The following NRXN3 variants were observed in gnomAD, a reference collection of about 807,000 sequenced individuals.
The protein encoded by NRXN3 is neurexin III.
In NRXN3, 32 loss-of-function variants were observed where a neutral mutation model predicts 137.6. The ratio of observed to expected loss-of-function variants is 0.23; its 90% CI spans 0.18 to 0.31. The LOEUF (loss-of-function observed/expected upper bound fraction) is 0.31. Among genes scored for constraint, NRXN3 ranks in the 10% least tolerant of loss-of-function variants. NRXN3 has a pLI of 1.00. For missense variants in NRXN3, 1,574 were observed against 2,062.5 expected (o/e 0.76, Z 4.59); for synonymous variants, 798 against 784.5 (o/e 1.02, Z -0.29).
chr14:78,447,681 T>A (rs2094452576), intron 4 of NRXN3, among the ~76,000 whole-genome samples: 1 of 152,234 alleles, frequency 6.6e-6, no homozygotes, highest in South Asian at 2.1e-4. Context: ...TTCCTTGTCC[T>A]TCACAGAATA....
chr14:79,410,018 A>T (rs34094616), intron 15 of NRXN3, among the ~76,000 whole-genome samples: 50,222 of 151,640 alleles, frequency 0.33, 8,820 homozygotes, highest in Middle Eastern at 0.54. Flanking sequence ...AAATGGCCAT[A>T]TTTATACTTT....
At chr14:78,961,524 TC>T (rs1290735175) in intron 11 of NRXN3, among the ~76,000 whole-genome samples, 1 of 152,138 alleles carries the variant, frequency 6.6e-6, no homozygotes, top group African/African-American at 2.4e-5. Flanking sequence ...CATGATTCAA[TC>T]ATTTCGGAGG....
chr14:78,613,103 G>A (rs914571997), intron 4 of NRXN3, among the ~76,000 whole-genome samples: 26 of 152,138 alleles, frequency 1.7e-4, no homozygotes, highest in African/African-American at 5.8e-4. Context: ...GGCCTGCCTT[G>A]CCAATCAGCC....
intron 20 of NRXN3, among the ~76,000 whole-genome samples, chr14:79,847,535 A>G (rs2099381908): frequency 6.6e-6 from 1 of 152,194 alleles, no homozygotes; most frequent in Non-Finnish European, 1.5e-5. Flanking sequence ...TCTTATTCAA[A>G]AAGATCAAAG....
At chr14:79,651,072 G>A (rs935854494) in intron 16 of NRXN3, among the ~76,000 whole-genome samples, 1 of 152,208 alleles carries the variant, frequency 6.6e-6, no homozygotes, top group South Asian at 2.1e-4. Flanking sequence ...CAATTAACTG[G>A]TAATAGGATG....
At chr14:79,855,692 G>A (rs551205667) in intron 20 of NRXN3, among the ~76,000 whole-genome samples, 1 of 152,188 alleles carries the variant, frequency 6.6e-6, no homozygotes, top group Admixed American at 6.5e-5. Context: ...AGGGTTAGAA[G>A]AAAGTGATTA....
At chr14:78,644,987 T>C in intron 4 of NRXN3, 133 bp from the exon 5 acceptor site, 8 of 719,762 alleles carry the variant, frequency 1.1e-5, no homozygotes, top group Non-Finnish European at 1.7e-5. Flanking sequence ...TGCAGAAGAA[T>C]TGAAGGGAGT....
intron 15 of NRXN3, among the ~76,000 whole-genome samples, chr14:79,059,923 A>G (rs2099672108): frequency 6.6e-6 from 1 of 152,158 alleles, no homozygotes. Flanking sequence ...CAATATCCAT[A>G]CAAATACCAG....
intron 9 of NRXN3, among the ~76,000 whole-genome samples, chr14:78,804,478 T>G (rs185249761): frequency 6.6e-6 from 1 of 152,276 alleles, no homozygotes; most frequent in African/African-American, 2.4e-5. Flanking sequence ...CTTCTTGACA[T>G]TCTTAACCAT....
intron 14 of NRXN3, among the ~76,000 whole-genome samples, chr14:78,978,750 A>C (rs1330031453): frequency 6.8e-6 from 1 of 147,870 alleles, no homozygotes; most frequent in Non-Finnish European, 1.5e-5. Flanking sequence ...AGATATATAC[A>C]TCTTATATAT....
chr14:79,417,058 T>TA (rs1186883381), intron 15 of NRXN3, among the ~76,000 whole-genome samples: 4 of 152,152 alleles, frequency 2.6e-5, no homozygotes, highest in Admixed American at 1.3e-4. Flanking sequence ...GGAAACTATT[T>TA]ATGATAGTTC....
chr14:79,112,450 G>A (rs1371378641), intron 15 of NRXN3, among the ~76,000 whole-genome samples: 2 of 152,226 alleles, frequency 1.3e-5, no homozygotes, highest in East Asian at 3.8e-4. Context: ...ACCCTTGTCT[G>A]TTCCTTCCTT....
chr14:79,197,291 C>G (rs1255576791), intron 15 of NRXN3, among the ~76,000 whole-genome samples: 1 of 152,170 alleles, frequency 6.6e-6, no homozygotes, highest in Non-Finnish European at 1.5e-5. Context: ...CATAGCCCTG[C>G]TGTAACCAGC....
rs116149439 is a variant in NRXN3 at position 78,476,959 on chromosome 14, C to T, written c.758-168161C>T. Among the ~76,000 whole-genome samples, 499 of 152,202 alleles carry T rather than the reference C, an allele frequency of 3.3e-3. 3 individuals carry two copies. The highest frequency in any genetic ancestry group is 0.011 in the African/African-American group (450 of 41,530). ...TCTTTTTCTGTGTCTAGTTTCCATG[C>T]AATCTGAGCTCTGCAGCAGCCAGTG... is the stretch of plus-strand genomic sequence containing the variant. On this transcript the variant is annotated intron_variant, in intron 4 of 20. Transcript: ENST00000335750.
intron 9 of NRXN3, among the ~76,000 whole-genome samples, chr14:78,807,433 C>T (rs990187059): frequency 2.0e-5 from 3 of 152,078 alleles, no homozygotes; most frequent in African/African-American, 7.2e-5. Flanking sequence ...AGCTCAACAA[C>T]GAGAAAAACT....
intron 4 of NRXN3, among the ~76,000 whole-genome samples, chr14:78,611,205 T>C (rs1217217521): frequency 6.6e-6 from 1 of 152,190 alleles, no homozygotes; most frequent in African/African-American, 2.4e-5. Flanking sequence ...GAACAGATAA[T>C]GGGCAATAAC....
At chr14:79,213,252 A>G (rs987002207) in intron 15 of NRXN3, among the ~76,000 whole-genome samples, 3 of 152,184 alleles carry the variant, frequency 2.0e-5, no homozygotes, top group Non-Finnish European at 4.4e-5. Context: ...TGTTAGTTAC[A>G]TTATATCCAA....
intron 14 of NRXN3, among the ~76,000 whole-genome samples, chr14:78,987,507 C>T (rs1169933904): frequency 7.2e-6 from 1 of 139,306 alleles, no homozygotes; most frequent in Non-Finnish European, 1.6e-5. Flanking sequence ...TACATGTTGG[C>T]TGCTAAATCC....
intron 4 of NRXN3, among the ~76,000 whole-genome samples, chr14:78,392,651 A>G (rs1300039840): frequency 2.0e-5 from 3 of 152,160 alleles, no homozygotes; most frequent in Non-Finnish European, 4.4e-5. Context: ...GAGATGATAT[A>G]AATCATCTAA....
Sources: allele counts gnomAD v4.1 joint callset (sites outside exome capture counted in the v4.1 genomes callset), GRCh38; gene constraint gnomAD v4.1.1; transcripts MANE v1.5; gene names NCBI Gene and HGNC (gene_info 2026-07-23, HGNC 2026-07-21).